The following MAGI2 variants were observed in gnomAD, a reference collection of about 807,000 sequenced individuals.
The protein encoded by MAGI2 is membrane-associated guanylate kinase, WW and PDZ domain-containing protein 2.
Under a neutral mutation model 133.3 loss-of-function variants are expected in MAGI2, and 35 were observed. That is an observed-to-expected ratio of 0.26 (90% CI 0.20 to 0.35). MAGI2 has a LOEUF of 0.35. MAGI2 is among the 10% of genes least tolerant of loss of function. The pLI is 1.00. For synonymous variants in MAGI2, 729 were observed against 710.6 expected (o/e 1.03, Z -0.41); for missense variants, 1,636 against 1,863.4 (o/e 0.88, Z 2.25).
chr7:79,431,136 T>A (rs1847752368), intron 1 of MAGI2, among the ~76,000 whole-genome samples: 1 of 152,146 alleles, frequency 6.6e-6, no homozygotes, highest in Non-Finnish European at 1.5e-5. Context: ...ACTCAAGTAA[T>A]ACTAAATATA....
intron 1 of MAGI2, among the ~76,000 whole-genome samples, chr7:79,157,420 A>C (rs1369318502): frequency 6.6e-6 from 1 of 151,978 alleles, no homozygotes; most frequent in East Asian, 1.9e-4. Context: ...GAGGTAACAG[A>C]CCACTGGAGA....
intron 1 of MAGI2, among the ~76,000 whole-genome samples, chr7:79,215,412 C>T (rs975214752): frequency 6.6e-6 from 1 of 151,954 alleles, no homozygotes; most frequent in African/African-American, 2.4e-5. Flanking sequence ...AATGAAGAGT[C>T]TGGCACCTTT....
In MAGI2 at chr7:78,077,725, GT is replaced by G. The variant is rs538030969; in HGVS notation, c.3706+1221del. 9.0e-3 allele frequency among the ~76,000 whole-genome samples: 913 copies of G among 101,198 alleles called. 9 individuals carry two copies. The highest frequency in any genetic ancestry group is 0.03 in the African/African-American group (754 of 24,872). 66.4% of individuals were successfully genotyped at this position (101,198 alleles called of 152,430 possible). On this transcript the variant is annotated intron_variant, in intron 21 of 21. Coordinates refer to ENST00000354212, the MANE Select transcript of MAGI2 (RefSeq NM_012301.4). Reference sequence around the variant, plus strand: ...TGAAATGAAAAGTACTCTTTAGAATGTTTTTTTTTTTTTTTTTTTTTGAGAC... The same window carrying G: ...TGAAATGAAAAGTACTCTTTAGAATGTTTTTTTTTTTTTTTTTTTTGAGAC...
intron 9 of MAGI2, among the ~76,000 whole-genome samples, chr7:78,335,536 A>C (rs1789671349): frequency 6.6e-6 from 1 of 152,212 alleles, no homozygotes; most frequent in Non-Finnish European, 1.5e-5. Flanking sequence ...ACATGTGAGC[A>C]CCACACTCTA....
chr7:78,998,601 C>A (rs1490273263), intron 2 of MAGI2, among the ~76,000 whole-genome samples: 1 of 152,160 alleles, frequency 6.6e-6, no homozygotes. Context: ...TGCTATACTG[C>A]AATGTGTAAA....
At chr7:79,145,171 C>T (rs1284898182) in intron 1 of MAGI2, among the ~76,000 whole-genome samples, 2 of 152,158 alleles carry the variant, frequency 1.3e-5, no homozygotes, top group Non-Finnish European at 1.5e-5. Flanking sequence ...TGTGCTGCCT[C>T]TGAACATTGC....
chr7:78,857,894 T>G (rs1793799735), intron 2 of MAGI2, among the ~76,000 whole-genome samples: 1 of 152,130 alleles, frequency 6.6e-6, no homozygotes, highest in Admixed American at 6.6e-5. Context: ...GGATTTTTTT[T>G]GTTGGTAGGC....
chr7:78,549,347 C>T (rs1436080176), intron 3 of MAGI2, among the ~76,000 whole-genome samples: 1 of 151,798 alleles, frequency 6.6e-6, no homozygotes, highest in African/African-American at 2.4e-5. Context: ...AGTAAGACTG[C>T]CTTCTTTTGC....
chr7:79,450,309 A>G (rs1163487048), intron 1 of MAGI2, among the ~76,000 whole-genome samples: 1 of 152,072 alleles, frequency 6.6e-6, no homozygotes, highest in Non-Finnish European at 1.5e-5. Context: ...GAAACCTAAG[A>G]CACACAGGCA....
intron 15 of MAGI2, among the ~76,000 whole-genome samples, chr7:78,161,584 T>G (rs1436813156): frequency 6.9e-6 from 1 of 144,584 alleles, no homozygotes; most frequent in Admixed American, 7.2e-5. Context: ...CTCTTAACCT[T>G]ACAAGCTGCA....
At chr7:79,038,192 A>G (rs1811295042) in intron 1 of MAGI2, among the ~76,000 whole-genome samples, 1 of 152,208 alleles carries the variant, frequency 6.6e-6, no homozygotes, top group African/African-American at 2.4e-5. Flanking sequence ...AGAGGAACTC[A>G]GTCTCATCAA....
chr7:78,151,573 C>T (rs1015134603), intron 16 of MAGI2, among the ~76,000 whole-genome samples: 2 of 152,148 alleles, frequency 1.3e-5, no homozygotes, highest in African/African-American at 4.8e-5. Context: ...CTTCCCTACC[C>T]CTGACTTGTT....
intron 4 of MAGI2, chr7:78,518,483 T>A (rs1344272545): frequency 1.3e-5 from 2 of 152,170 alleles, no homozygotes; most frequent in African/African-American, 4.8e-5. Flanking sequence ...AACTAATACC[T>A]ATAATGAGGT....
intron 9 of MAGI2, among the ~76,000 whole-genome samples, chr7:78,262,944 C>A (rs1177246982): frequency 6.6e-6 from 1 of 152,104 alleles, no homozygotes; most frequent in East Asian, 1.9e-4. Context: ...GCATAGTGCC[C>A]AATAGGGAGG....
intron 2 of MAGI2, among the ~76,000 whole-genome samples, chr7:78,953,640 A>G (rs996951636): frequency 2.6e-5 from 4 of 152,114 alleles, no homozygotes; most frequent in African/African-American, 9.7e-5. Context: ...AATCTTCGTA[A>G]CAACAAAGAT....
intron 9 of MAGI2, among the ~76,000 whole-genome samples, chr7:78,279,078 ACTGGTTTCACACTAC>A (rs1159991980): frequency 6.6e-6 from 1 of 152,130 alleles, no homozygotes; most frequent in Non-Finnish European, 1.5e-5. Context: ...ACATATCAGA[ACTGGTTTCACACTAC>A]CTGGTTTTAC....
chr7:78,557,085 A>AAAAAAAAAAAAAAAAAAAAAAAAG (rs1799903966), intron 3 of MAGI2, among the ~76,000 whole-genome samples: 1 of 144,332 alleles, frequency 6.9e-6, no homozygotes, highest in Non-Finnish European at 1.5e-5. Flanking sequence ...AGTCTCAAAA[A>AAAAAAAAAAAAAAAAAAAAAAAAG]AAAAAAAAAA....
intron 6 of MAGI2, among the ~76,000 whole-genome samples, chr7:78,472,765 CAT>C (rs2150429420): frequency 6.6e-6 from 1 of 152,230 alleles, no homozygotes; most frequent in East Asian, 1.9e-4. Flanking sequence ...TCATCCTAAA[CAT>C]ATGCTGTTGT....
chr7:78,205,192 C>A (rs1965527), intron 10 of MAGI2, among the ~76,000 whole-genome samples: 1 of 152,100 alleles, frequency 6.6e-6, no homozygotes, highest in Non-Finnish European at 1.5e-5. Flanking sequence ...AGTGCAGTGG[C>A]GTGATCTTAG....
Sources: gnomAD v4.1 joint callset for allele counts (sites outside exome capture counted in the v4.1 genomes callset) on GRCh38, gnomAD v4.1.1 for gene constraint, MANE v1.5 for transcripts, NCBI Gene and HGNC (gene_info 2026-07-23, HGNC 2026-07-21) for gene names.